DRC11: variants seen among roughly 807,000 people sequenced by gnomAD.
DRC11 encodes IQ and AAA domain-containing protein 1.
At chr2:236,400,981 ACTCT>A in the DRC11 span, among the ~76,000 whole-genome samples, 2 of 151,656 alleles carry the variant, frequency 1.3e-5, no homozygotes, top group African/African-American at 2.4e-5. This position sits in a 1 kb window ranked among gnomAD's most constrained non-coding sequence, Gnocchi z 7.9. Flanking sequence ...ACGCAGGGTC[ACTCT>A]CTTCTCTCCT....
At chr2:236,411,200 G>GA in the DRC11 span, among the ~76,000 whole-genome samples, 2 of 151,906 alleles carry the variant, frequency 1.3e-5, no homozygotes, top group Admixed American at 1.3e-4. Context: ...AAATTTACAA[G>GA]AAAAAACAAA....
the DRC11 span, chr2:236,454,961 A>T: frequency 2.6e-5 from 4 of 152,174 alleles, no homozygotes; most frequent in African/African-American, 9.7e-5. This position sits in a 1 kb window ranked among gnomAD's most constrained non-coding sequence, Gnocchi z 5.3. Context: ...CAAATCCCGC[A>T]ATTCTTCTCC....
chr2:236,358,534 G>T, the DRC11 span, among the ~76,000 whole-genome samples: 5 of 144,552 alleles, frequency 3.5e-5, no homozygotes, highest in Admixed American at 1.4e-4. Flanking sequence ...TATAAGGCAG[G>T]GCTGTTGCCT....
At chr2:236,494,065 C>T in the DRC11 span, among the ~76,000 whole-genome samples, 6 of 152,074 alleles carry the variant, frequency 3.9e-5, no homozygotes, top group African/African-American at 1.4e-4. This position sits in a 1 kb window ranked among gnomAD's most constrained non-coding sequence, Gnocchi z 4.2. Context: ...TAAAGAGACA[C>T]AAAGTCAGAA....
chr2:236,341,392 C>T, the DRC11 span, among the ~76,000 whole-genome samples: 1 of 152,142 alleles, frequency 6.6e-6, no homozygotes, highest in Non-Finnish European at 1.5e-5. Flanking sequence ...CGGGCCTGGT[C>T]CAGGCGTCTG....
chr2:236,491,059 T>TATATATATACAC, the DRC11 span, among the ~76,000 whole-genome samples: 113 of 138,212 alleles, frequency 8.2e-4, no homozygotes, highest in African/African-American at 2.9e-3. Flanking sequence ...TATATATATA[T>TATATATATACAC]ACACACAGTA....
the DRC11 span, among the ~76,000 whole-genome samples, chr2:236,357,374 T>G: frequency 1.8e-5 from 2 of 108,358 alleles, no homozygotes; most frequent in Non-Finnish European, 3.4e-5. Context: ...ATAAATATAT[T>G]TATATAGTAT....
chr2:236,422,294 A>T, the DRC11 span, among the ~76,000 whole-genome samples: 2 of 152,216 alleles, frequency 1.3e-5, no homozygotes, highest in African/African-American at 4.8e-5. Flanking sequence ...ACATGATTGT[A>T]TATCTAGAAA....
chr2:236,412,710 T>C, the DRC11 span: 1 of 152,246 alleles, frequency 6.6e-6, no homozygotes, highest in Non-Finnish European at 1.5e-5. Flanking sequence ...TCCTTCGAGA[T>C]GTCTCTTGCG....
the DRC11 span, among the ~76,000 whole-genome samples, chr2:236,336,029 G>A: frequency 0.19 from 28,639 of 152,032 alleles, 2,840 homozygotes; most frequent in African/African-American, 0.26. The surrounding 1 kb of genome is among the most constrained non-coding windows in gnomAD (Gnocchi z 7.3). Context: ...GTCTTCCCTC[G>A]CTTCTTTGGA....
the DRC11 span, among the ~76,000 whole-genome samples, chr2:236,359,507 G>A: frequency 1.3e-5 from 2 of 152,106 alleles, no homozygotes; most frequent in South Asian, 2.1e-4. This position sits in a 1 kb window ranked among gnomAD's most constrained non-coding sequence, Gnocchi z 4.3. Flanking sequence ...TTACCCTCCC[G>A]AGATTAACTT....
At chr2:236,451,666 A>G in the DRC11 span, among the ~76,000 whole-genome samples, 1 of 152,232 alleles carries the variant, frequency 6.6e-6, no homozygotes, top group East Asian at 1.9e-4. Flanking sequence ...CCCACTGGCC[A>G]AGGACGCCAC....
At chr2:236,358,094 C>A in the DRC11 span, among the ~76,000 whole-genome samples, 3 of 110,610 alleles carry the variant, frequency 2.7e-5, no homozygotes, top group Admixed American at 1.1e-4. Context: ...TAGATATATA[C>A]CATATGAATA....
At chr2:236,430,198 AACACAC>A in the DRC11 span, among the ~76,000 whole-genome samples, 19 of 149,204 alleles carry the variant, frequency 1.3e-4, 1 homozygote, top group South Asian at 1.1e-3. This position sits in a 1 kb window ranked among gnomAD's most constrained non-coding sequence, Gnocchi z 6.0. Context: ...ATATACATAT[AACACAC>A]ACACACACAC....
At chr2:236,418,160 A>G in the DRC11 span, among the ~76,000 whole-genome samples, 1 of 152,230 alleles carries the variant, frequency 6.6e-6, no homozygotes, top group Admixed American at 6.5e-5. Flanking sequence ...ACTGTCTTCC[A>G]CAATGGTTGA....
the DRC11 span, chr2:236,390,999 T>C: frequency 2.6e-5 from 4 of 152,370 alleles, no homozygotes; most frequent in African/African-American, 9.6e-5. The surrounding 1 kb of genome is among the most constrained non-coding windows in gnomAD (Gnocchi z 5.9). Flanking sequence ...AGTGAAACTT[T>C]CATTCTTACT....
At chr2:236,324,824 C>T in the DRC11 span, 1 of 1,371,942 alleles carries the variant, frequency 7.3e-7, no homozygotes, top group African/African-American at 1.4e-5. This position sits in a 1 kb window ranked among gnomAD's most constrained non-coding sequence, Gnocchi z 5.7. Flanking sequence ...CAGAATGACA[C>T]CAATTCACCG....
the DRC11 span, among the ~76,000 whole-genome samples, chr2:236,318,408 C>T: frequency 6.6e-6 from 1 of 152,038 alleles, no homozygotes; most frequent in Non-Finnish European, 1.5e-5. The surrounding 1 kb of genome is among the most constrained non-coding windows in gnomAD (Gnocchi z 7.0). Context: ...TGGGACTGCA[C>T]GCATGCCTAC....
the DRC11 span, among the ~76,000 whole-genome samples, chr2:236,381,647 TCCCAAGGGG>T: frequency 1.3e-5 from 2 of 152,230 alleles, no homozygotes; most frequent in Non-Finnish European, 2.9e-5. The surrounding 1 kb of genome is among the most constrained non-coding windows in gnomAD (Gnocchi z 5.8). Flanking sequence ...TACCTCTAGT[TCCCAAGGGG>T]CTTTGCACTC....
Sources: gnomAD v4.1 joint callset for allele counts (sites outside exome capture counted in the v4.1 genomes callset) on GRCh38, gnomAD v4.1.1 for gene constraint, Gnocchi (gnomAD v3.1) non-coding constraint, MANE v1.5 for transcripts, NCBI Gene and HGNC (gene_info 2026-07-23, HGNC 2026-07-21) for gene names.